Variants in ADAMTS2 observed in about 807,000 individuals in gnomAD.
ADAMTS2 encodes the protein ADAM metallopeptidase with thrombospondin type 1 motif 2.
In ADAMTS2, 50 loss-of-function variants were observed where a neutral mutation model predicts 123.0. That is an observed-to-expected ratio of 0.41 (90% CI 0.32 to 0.51). The LOEUF (loss-of-function observed/expected upper bound fraction) is 0.51. Ranked by LOEUF, ADAMTS2 falls within the 20% of genes least tolerant of loss-of-function variation. The pLI, the probability that ADAMTS2 is intolerant of heterozygous loss-of-function variation, is 0.35. For missense variants in ADAMTS2, 1,494 were observed against 1,705.2 expected (o/e 0.88, Z 2.18); for synonymous variants, 678 against 695.4 (o/e 0.98, Z 0.39).
chr5:179,130,427 G>A lies in ADAMTS2; in HGVS notation c.2291-329C>T, dbSNP rs988938539. Reference sequence around the variant, plus strand: ...GGGAGCACTCAGTGGGCGCTTAGAGGCCACCCGGGGCAGGATGGCTGGGAG... The same window carrying A: ...GGGAGCACTCAGTGGGCGCTTAGAGACCACCCGGGGCAGGATGGCTGGGAG... On this transcript the variant is annotated intron_variant, in intron 15 of 21. Coordinates refer to ENST00000251582, the MANE Select transcript of ADAMTS2 (RefSeq NM_014244.5). This position sits in a 1 kb window ranked among gnomAD's most constrained non-coding sequence, Gnocchi z 4.3. Among the ~76,000 whole-genome samples the A allele has an allele frequency of 6.6e-6, 1 of 152,236 alleles. No homozygotes were observed. The highest frequency in any genetic ancestry group is 2.4e-5 in the African/African-American group (1 of 41,462).
At chr5:179,268,547 G>A (rs1488601708) in intron 3 of ADAMTS2, among the ~76,000 whole-genome samples, 1 of 152,206 alleles carries the variant, frequency 6.6e-6, no homozygotes, top group Non-Finnish European at 1.5e-5. Flanking sequence ...TCAGTCTCTG[G>A]GAAGCTAAGA....
intron 3 of ADAMTS2, among the ~76,000 whole-genome samples, chr5:179,265,051 C>G (rs1004546135): frequency 6.6e-6 from 1 of 152,256 alleles, no homozygotes; most frequent in African/African-American, 2.4e-5. Flanking sequence ...CACACTGAAC[C>G]CTGCACCAAA....
Position 179,128,033 on chromosome 5 carries a change from A to G in ADAMTS2, c.2543T>C (p.Val848Ala), listed in dbSNP as rs1473560758. The change falls in exon 17 of 22, where the codon GTC (valine) becomes GCC (alanine). Residue 848 changes from valine to alanine, a missense_variant. Around this residue, in one of 6 missense-constraint regions of ADAMTS2, gnomAD observed 953 missense variants for 1,124.7 expected, o/e 0.85. Coordinates refer to ENST00000251582, the MANE Select transcript of ADAMTS2 (RefSeq NM_014244.5). The surrounding 1 kb of genome is among the most constrained non-coding windows in gnomAD (Gnocchi z 4.9). ...GTAGACCACAGAGTCCTCTTCCAGG[A>G]CGTTGTTGTCGTCGACATTCAGTGA... ...EDSLNVDDNNVLEEDSVVYEW... is the reference protein window; with the variant it reads ...EDSLNVDDNNALEEDSVVYEW... 3.1e-6 allele frequency: 5 copies of G among 1,613,998 alleles called. No homozygotes were observed. The highest frequency in any genetic ancestry group is 4.2e-6 in the Non-Finnish European group (5 of 1,180,006).
At chr5:179,203,892 AAC>A (rs111633925) in intron 4 of ADAMTS2, among the ~76,000 whole-genome samples, 47,234 of 151,836 alleles carry the variant, frequency 0.31, 8,149 homozygotes, top group African/African-American at 0.45. Flanking sequence ...CAGAGTCTGG[AAC>A]ACCCACGTTC....
chr5:179,236,917 G>A lies in ADAMTS2; in HGVS notation c.689-29202C>T, dbSNP rs550961338. Reference sequence around the variant, plus strand: ...GGTGGGGCCTTTGGGGGGTAATTAGGTCATGAGGGTGGGGCCTCATGAATG... The same window carrying A: ...GGTGGGGCCTTTGGGGGGTAATTAGATCATGAGGGTGGGGCCTCATGAATG... On this transcript the variant is annotated intron_variant, in intron 3 of 21. Transcript: ENST00000251582. Among the ~76,000 whole-genome samples, 4 of 152,182 alleles carry A rather than the reference G, an allele frequency of 2.6e-5. No homozygotes were observed. The South Asian group carries it at 8.3e-4, about 32-fold the overall frequency.
At chr5:179,131,140 G>A (rs1251703238) in intron 15 of ADAMTS2, among the ~76,000 whole-genome samples, 1 of 151,522 alleles carries the variant, frequency 6.6e-6, no homozygotes, top group African/African-American at 2.4e-5. Context: ...GTGAAACCCC[G>A]TCTCTAGTAA....
chr5:179,263,468 A>G (rs1766283617), intron 3 of ADAMTS2, among the ~76,000 whole-genome samples: 1 of 152,206 alleles, frequency 6.6e-6, no homozygotes, highest in Non-Finnish European at 1.5e-5. Flanking sequence ...CAACCAGACC[A>G]GCGCACCAGC....
chr5:179,165,628 G>A (rs934783055), intron 5 of ADAMTS2, among the ~76,000 whole-genome samples: 4 of 152,176 alleles, frequency 2.6e-5, no homozygotes, highest in Admixed American at 6.5e-5. Flanking sequence ...GGGCAGCCGC[G>A]GGCACCCAGC....
intron 4 of ADAMTS2, among the ~76,000 whole-genome samples, chr5:179,191,971 C>A (rs1330715695): frequency 1.3e-5 from 2 of 152,160 alleles, no homozygotes; most frequent in Admixed American, 6.5e-5. Context: ...AGAGTGGACA[C>A]CCATCAAGGC....
intron 4 of ADAMTS2, among the ~76,000 whole-genome samples, chr5:179,201,214 G>A (rs1380592132): frequency 6.6e-6 from 1 of 152,158 alleles, no homozygotes; most frequent in Non-Finnish European, 1.5e-5. Flanking sequence ...CATATCTGTT[G>A]GCCAGAGACT....
chr5:179,122,324 G>GCACAAGCACCCCCCACTCA (rs1554123583), intron 20 of ADAMTS2, among the ~76,000 whole-genome samples: 3 of 151,656 alleles, frequency 2.0e-5, no homozygotes, highest in African/African-American at 7.3e-5. Flanking sequence ...CTCTCTACTC[G>GCACAAGCACCCCCCACTCA]CACAGGCGTC....
Position 179,180,128 on chromosome 5 carries a change from TTCA to T in ADAMTS2, c.975+941_975+943del, listed in dbSNP as rs1764012593. On this transcript the variant is annotated intron_variant, in intron 5 of 21. Transcript: ENST00000251582. The surrounding 1 kb of genome is among the most constrained non-coding windows in gnomAD (Gnocchi z 4.6). ...CCATCTGCCCTGTAGATTAAGGGCA[TTCA>T]TCCATACAAAGTGCTTCCCACACGG... Among the ~76,000 whole-genome samples the T allele has an allele frequency of 6.6e-6, 1 of 152,146 alleles. No individual in the cohort carries two copies. Among genetic ancestry groups the T allele is most frequent in the Admixed American group, 6.6e-5 (1 of 15,266 alleles).
intron 3 of ADAMTS2, among the ~76,000 whole-genome samples, chr5:179,223,660 G>A (rs190702845): frequency 1.1e-4 from 17 of 148,372 alleles, no homozygotes; most frequent in African/African-American, 3.5e-4. Flanking sequence ...ACTCACAGAC[G>A]CACACTCACA....
intron 3 of ADAMTS2, among the ~76,000 whole-genome samples, chr5:179,237,104 T>TA (rs971814543): frequency 1.5e-4 from 22 of 150,602 alleles, no homozygotes; most frequent in African/African-American, 2.9e-4. Flanking sequence ...AAACTAAAAA[T>TA]AAAAAAAAAT....
intron 8 of ADAMTS2, 55 bp from the exon 9 acceptor site, chr5:179,153,678 GCC>G: frequency 6.4e-7 from 1 of 1,558,918 alleles, no homozygotes; most frequent in Non-Finnish European, 8.6e-7. Context: ...ACCATCCACA[GCC>G]CTGGAGGCAG....
chr5:179,176,586 G>T (rs977811923), intron 5 of ADAMTS2, among the ~76,000 whole-genome samples: 1 of 152,120 alleles, frequency 6.6e-6, no homozygotes, highest in Admixed American at 6.5e-5. Flanking sequence ...CTGTCCTCCT[G>T]TCTGTATCCC....
chr5:179,170,753 G>A lies in ADAMTS2; in HGVS notation c.975+10319C>T, dbSNP rs1233919368. On this transcript the variant is annotated intron_variant, in intron 5 of 21. Transcript: ENST00000251582. This position sits in a 1 kb window ranked among gnomAD's most constrained non-coding sequence, Gnocchi z 4.3. ...GTGCTCACCACTCTGTCGCTGTCTT[G>A]TCTGCTGCTACTGCCTGGACACAGG... Among the ~76,000 whole-genome samples the A allele has an allele frequency of 6.6e-6, 1 of 152,148 alleles. No individual in the cohort carries two copies. Among genetic ancestry groups the A allele is most frequent in the Non-Finnish European group, 1.5e-5 (1 of 68,036 alleles).
At position 179,202,540 on chromosome 5, in the gene ADAMTS2, C is replaced by G. The variant is rs1337575564; in HGVS notation, c.891+4973G>C. On this transcript the variant is annotated intron_variant, in intron 4 of 21. Coordinates refer to ENST00000251582, the MANE Select transcript of ADAMTS2 (RefSeq NM_014244.5). This position sits in a 1 kb window ranked among gnomAD's most constrained non-coding sequence, Gnocchi z 4.0. ...CGTCTGTGCCTCCCTTCCCAGAATG[C>G]AAGGTAGCAGGGTTACGTCCTGTCA... 6.6e-6 allele frequency among the ~76,000 whole-genome samples: 1 copy of G among 152,188 alleles called. No individual in the cohort carries two copies. The highest frequency in any genetic ancestry group is 1.5e-5 in the Non-Finnish European group (1 of 68,030).
intron 2 of ADAMTS2, among the ~76,000 whole-genome samples, chr5:179,296,419 C>T (rs1756333983): frequency 6.6e-6 from 1 of 152,044 alleles, no homozygotes; most frequent in Non-Finnish European, 1.5e-5. Flanking sequence ...CAGAGGCCAG[C>T]AGTCAGGAAT....
Sources: gnomAD v4.1 joint callset for allele counts (sites outside exome capture counted in the v4.1 genomes callset) on GRCh38, gnomAD v4.1.1 for gene constraint, gnomAD v4.1.1 regional missense constraint, Gnocchi (gnomAD v3.1) non-coding constraint, MANE v1.5 for transcripts, NCBI Gene and HGNC (gene_info 2026-07-23, HGNC 2026-07-21) for gene names.